ZFAT: variants seen among roughly 807,000 people sequenced by gnomAD.
The protein encoded by ZFAT is zinc finger protein ZFAT.
A neutral mutation model predicts 117.7 loss-of-function variants in ZFAT; 64 were observed. The ratio of observed to expected loss-of-function variants is 0.54; its 90% CI spans 0.44 to 0.67. The LOEUF (loss-of-function observed/expected upper bound fraction) is 0.67, where lower values mean the gene tolerates loss of function less well. Ranked by LOEUF, ZFAT falls within the 30% of genes least tolerant of loss-of-function variation. The pLI is 0.00. For synonymous variants in ZFAT, 679 were observed against 615.0 expected (o/e 1.10, Z -1.54); for missense variants, 1,433 against 1,584.5 (o/e 0.90, Z 1.62).
the ZFAT span, among the ~76,000 whole-genome samples, chr8:134,786,984 G>T: frequency 1.3e-5 from 2 of 151,920 alleles, no homozygotes; most frequent in Non-Finnish European, 2.9e-5. Flanking sequence ...AAGTAACTGG[G>T]ACTACAAGTG....
chr8:134,478,275 C>G lies in ZFAT; in HGVS notation c.*207G>C, dbSNP rs1021075753. On this transcript the variant is annotated 3_prime_UTR_variant, in exon 16 of 16. Transcript: ENST00000377838. This position sits in a 1 kb window ranked among gnomAD's most constrained non-coding sequence, Gnocchi z 5.2. ...AAGGGTCAGGGGGTGTGTGTCTATG[C>G]TGGGGTGAGGGTCCTGTGGTATTGC... The G allele has an allele frequency of 2.2e-5, 14 of 649,636 alleles. No individual in the cohort carries two copies. The African/African-American group carries it at 2.6e-4, about 12-fold the overall frequency. The allele number at this position is 649,636 out of a possible 1,614,324, so 40.2% of individuals were successfully genotyped here. A position where few individuals can be genotyped will look rare whatever the true frequency, so the allele number is the denominator to read the frequency against.
chr8:134,537,778 G>A (rs79848946), intron 11 of ZFAT, among the ~76,000 whole-genome samples: 1,577 of 152,286 alleles, frequency 0.01, 23 homozygotes, highest in African/African-American at 0.037. Flanking sequence ...AAATGAGGCA[G>A]GGGAATAAAA....
chr8:134,578,134 G>T (rs1825447187), intron 10 of ZFAT, among the ~76,000 whole-genome samples: 1 of 152,140 alleles, frequency 6.6e-6, no homozygotes, highest in Non-Finnish European at 1.5e-5. Flanking sequence ...ATGAAGATAG[G>T]CTGGGCATGG....
chr8:134,668,065 T>C (rs141962019), intron 1 of ZFAT, among the ~76,000 whole-genome samples: 1 of 151,930 alleles, frequency 6.6e-6, no homozygotes, highest in Non-Finnish European at 1.5e-5. Context: ...GGGGAAGGGG[T>C]GCCCGCCATT....
intron 7 of ZFAT, chr8:134,598,121 A>G (rs1435357560): frequency 6.6e-6 from 1 of 151,678 alleles, no homozygotes; most frequent in African/African-American, 2.4e-5. Context: ...CTACAACAAA[A>G]TGGGCAACCC....
At chr8:134,792,559 ATTTT>A in the ZFAT span, 1 of 152,284 alleles carries the variant, frequency 6.6e-6, no homozygotes, top group East Asian at 1.9e-4. Context: ...TATCTATGTG[ATTTT>A]TTAAAGTTGG....
At chr8:134,546,532 T>G (rs1822708631) in intron 11 of ZFAT, among the ~76,000 whole-genome samples, 1 of 152,160 alleles carries the variant, frequency 6.6e-6, no homozygotes, top group Non-Finnish European at 1.5e-5. Flanking sequence ...TTCAGTTACT[T>G]CTGAGACTTA....
chr8:134,621,213 A>G (rs1057304816), intron 3 of ZFAT, among the ~76,000 whole-genome samples: 1 of 151,006 alleles, frequency 6.6e-6, no homozygotes, highest in Non-Finnish European at 1.5e-5. Flanking sequence ...GGTAAGCCAG[A>G]TCACAGGAAG....
chr8:134,632,693 A>C (rs926458427), intron 3 of ZFAT, among the ~76,000 whole-genome samples: 1 of 152,246 alleles, frequency 6.6e-6, no homozygotes, highest in Non-Finnish European at 1.5e-5. Flanking sequence ...GACAATACAG[A>C]AATTTAAAAC....
chr8:134,682,692 G>A (rs984365492), intron 1 of ZFAT, among the ~76,000 whole-genome samples: 11 of 152,180 alleles, frequency 7.2e-5, no homozygotes, highest in Non-Finnish European at 1.5e-4. Flanking sequence ...AAATTAAAAA[G>A]TCTTTGAATC....
chr8:134,479,164 G>A (rs1483687565), intron 15 of ZFAT, among the ~76,000 whole-genome samples: 1 of 152,182 alleles, frequency 6.6e-6, no homozygotes, highest in Non-Finnish European at 1.5e-5. Context: ...CGTCTATCCT[G>A]GGCTCTCTGT....
At chr8:134,504,602 A>G (rs954614880) in intron 15 of ZFAT, among the ~76,000 whole-genome samples, 7 of 152,172 alleles carry the variant, frequency 4.6e-5, no homozygotes, top group Non-Finnish European at 1.5e-5. Flanking sequence ...GAACCAAGAA[A>G]TTGTCATTTG....
intron 13 of ZFAT, among the ~76,000 whole-genome samples, chr8:134,513,163 A>G (rs576939950): frequency 1.3e-5 from 2 of 151,102 alleles, no homozygotes; most frequent in Admixed American, 6.6e-5. Flanking sequence ...AGGTCCCAGC[A>G]GAGTAAGAGT....
chr8:134,536,026 C>T (rs1441904016), intron 11 of ZFAT, among the ~76,000 whole-genome samples: 2 of 152,188 alleles, frequency 1.3e-5, no homozygotes, highest in Non-Finnish European at 2.9e-5. Context: ...GCCAATTTCA[C>T]CCTTCTTGCA....
At chr8:134,615,379 G>A (rs1372877241) in intron 3 of ZFAT, among the ~76,000 whole-genome samples, 2 of 152,070 alleles carry the variant, frequency 1.3e-5, no homozygotes, top group African/African-American at 4.8e-5. Context: ...AGTAGAGACG[G>A]GGTTTCGCCA....
chr8:134,518,827 T>A (rs2130451457), intron 13 of ZFAT, among the ~76,000 whole-genome samples: 1 of 152,290 alleles, frequency 6.6e-6, no homozygotes, highest in African/African-American at 2.4e-5. Context: ...TAACTTTATA[T>A]GTTATAGTAA....
At chr8:134,507,474 C>G (rs1819501328) in intron 15 of ZFAT, among the ~76,000 whole-genome samples, 1 of 152,114 alleles carries the variant, frequency 6.6e-6, no homozygotes, top group African/African-American at 2.4e-5. Flanking sequence ...GGGAACATTT[C>G]CAAATGCAGT....
rs183133905 is a variant in ZFAT at position 134,671,515 on chromosome 8, T to C, written c.20-13778A>G. Among the ~76,000 whole-genome samples, 574 of 152,274 alleles carry C rather than the reference T, an allele frequency of 3.8e-3. 8 individuals carry two copies. The highest frequency in any genetic ancestry group is 0.013 in the African/African-American group (540 of 41,542). On this transcript the variant is annotated intron_variant, in intron 1 of 15. Transcript: ENST00000377838. ...CAAAGACAAAAACCACATGATTATC[T>C]CAATAGATGCAGAAAAGGCCTTCAA...
intron 11 of ZFAT, among the ~76,000 whole-genome samples, chr8:134,559,201 A>G (rs1823877744): frequency 6.6e-6 from 1 of 152,332 alleles, no homozygotes; most frequent in Admixed American, 6.5e-5. Context: ...CCTGTCCCTC[A>G]GTCTACCCAG....
Sources: gnomAD v4.1 joint callset for allele counts (sites outside exome capture counted in the v4.1 genomes callset) on GRCh38, gnomAD v4.1.1 for gene constraint, Gnocchi (gnomAD v3.1) non-coding constraint, MANE v1.5 for transcripts, NCBI Gene and HGNC (gene_info 2026-07-23, HGNC 2026-07-21) for gene names.